The following ARHGEF11 variants were observed in gnomAD, a reference collection of about 807,000 sequenced individuals.
ARHGEF11 encodes Rho guanine exchange factor (GEF) 11.
In ARHGEF11, 55 loss-of-function variants were observed where a neutral mutation model predicts 193.7. That is an observed-to-expected ratio of 0.28 (90% CI 0.23 to 0.36). The LOEUF is 0.36. Ranked by LOEUF, ARHGEF11 falls within the 10% of genes least tolerant of loss-of-function variation. The pLI, the probability that ARHGEF11 is intolerant of heterozygous loss-of-function variation, is 1.00. For missense variants in ARHGEF11, 1,723 were observed against 2,005.6 expected, an observed-to-expected ratio of 0.86 and a Z score of 2.69; for synonymous variants, 693 against 768.0, an observed-to-expected ratio of 0.90 and a Z score of 1.62.
At chr1:157,000,679 G>A (rs1197150632) in intron 1 of ARHGEF11, among the ~76,000 whole-genome samples, 1 of 152,222 alleles carries the variant, frequency 6.6e-6, no homozygotes, top group African/African-American at 2.4e-5. Flanking sequence ...AAACCACTGA[G>A]GTTAAACCAT....
chr1:157,035,362 C>A (rs1750802), intron 1 of ARHGEF11, among the ~76,000 whole-genome samples: 44,011 of 151,666 alleles, frequency 0.29, 7,158 homozygotes, highest in Middle Eastern at 0.48. Flanking sequence ...GCCCTAACAA[C>A]ACTCACCGTA....
At chr1:157,006,797 C>G (rs1243756019) in intron 1 of ARHGEF11, among the ~76,000 whole-genome samples, 1 of 152,178 alleles carries the variant, frequency 6.6e-6, no homozygotes, top group Non-Finnish European at 1.5e-5. Context: ...GTGATGCCAC[C>G]CCCATAATAC....
Position 156,948,377 on chromosome 1 carries a change from C to T in ARHGEF11, c.2047G>A (p.Ala683Thr). 3 of 1,614,234 alleles carry T rather than the reference C, an allele frequency of 1.9e-6. No homozygotes were observed. The highest frequency in any genetic ancestry group is 2.5e-6 in the Non-Finnish European group (3 of 1,180,048). ...SRSDVDMDAA[A>T]EATRLHQSAS... ...GACTGGTGCAGGCGAGTAGCCTCCG[C>T]AGCAGCATCCATGTCAACATCACTG... Residue 683 changes from alanine (A) to threonine (T), a missense_variant, in exon 23 of 41, where the codon GCG (alanine) becomes ACG (threonine). Coordinates refer to ENST00000368194, the MANE Select transcript of ARHGEF11 (RefSeq NM_198236.3). This position sits in a 1 kb window ranked among gnomAD's most constrained non-coding sequence, Gnocchi z 4.2.
chr1:156,976,819 T>G (rs748713784), intron 7 of ARHGEF11, among the ~76,000 whole-genome samples, 164 bp downstream of exon 7: 1 of 152,260 alleles, frequency 6.6e-6, no homozygotes, highest in African/African-American at 2.4e-5. Flanking sequence ...TAACAAATTC[T>G]ACTGGCCAAT....
intron 1 of ARHGEF11, among the ~76,000 whole-genome samples, chr1:157,010,445 A>G (rs1046049269): frequency 6.6e-6 from 1 of 152,162 alleles, no homozygotes; most frequent in African/African-American, 2.4e-5. Context: ...TTTAAGAGAC[A>G]GGGTCTTGCT....
In ARHGEF11 at chr1:156,963,290, G is replaced by GA; in HGVS notation, c.1052dup (p.Gln352ProfsTer70). 1 of 1,614,076 alleles carries GA rather than the reference G, an allele frequency of 6.2e-7. No individual in the cohort carries two copies. The highest frequency in any genetic ancestry group is 8.5e-7 in the Non-Finnish European group (1 of 1,179,994). ...GAGACTTCAGTTTCTCCAGATCCTG[G>GA]AATATGATGTCGCTCTGGAAGGCAG... On this transcript the variant is annotated frameshift_variant, in exon 13 of 41. Coordinates refer to ENST00000368194, the MANE Select transcript of ARHGEF11 (RefSeq NM_198236.3). LOFTEE classifies it high-confidence loss of function.
intron 35 of ARHGEF11, 102 bp downstream of exon 35, chr1:156,941,270 C>T (rs1656830294): frequency 9.3e-6 from 10 of 1,069,568 alleles, no homozygotes; most frequent in Admixed American, 3.5e-5. Context: ...CCTCACACCC[C>T]GGGCCCTGAT....
At chr1:156,940,074 G>A (rs2101810646) in intron 36 of ARHGEF11, 133 bp downstream of exon 36, 1 of 1,397,328 alleles carries the variant, frequency 7.2e-7, no homozygotes. Context: ...AATGACATCT[G>A]TCTCCGCATC....
rs545348963 is a variant in ARHGEF11 at position 156,980,030 on chromosome 1, C to T, written c.273+407G>A. On this transcript the variant is annotated intron_variant, in intron 4 of 40. Coordinates refer to ENST00000368194, the MANE Select transcript of ARHGEF11 (RefSeq NM_198236.3). ...CCATTCTGTCGAAGAAAGGTCTGAACGACCAGGGCAGGTTATAGTAGTTCA... is the reference window on the plus strand; with the variant it reads ...CCATTCTGTCGAAGAAAGGTCTGAATGACCAGGGCAGGTTATAGTAGTTCA... Among the ~76,000 whole-genome samples the T allele has an allele frequency of 2.6e-5, 4 of 152,254 alleles. No individual in the cohort carries two copies. In the South Asian group the frequency reaches 8.3e-4, roughly 32 times the overall value.
At chr1:157,022,278 T>C (rs1474378452) in intron 1 of ARHGEF11, among the ~76,000 whole-genome samples, 1 of 151,978 alleles carries the variant, frequency 6.6e-6, no homozygotes, top group Non-Finnish European at 1.5e-5. Context: ...ATAGAGAAAA[T>C]ATAGGGAATC....
At chr1:157,008,839 G>A (rs998672899) in intron 1 of ARHGEF11, among the ~76,000 whole-genome samples, 1 of 152,224 alleles carries the variant, frequency 6.6e-6, no homozygotes, top group African/African-American at 2.4e-5. Flanking sequence ...CTTACTCTAA[G>A]CTGGGAGCCA....
In ARHGEF11 at chr1:156,948,775, A is replaced by T; in HGVS notation, c.1926-277T>A. 1 of 1,392,212 alleles carries T rather than the reference A, an allele frequency of 7.2e-7. No homozygotes were observed. Among genetic ancestry groups the T allele is most frequent in the Non-Finnish European group, 9.4e-7 (1 of 1,065,802 alleles). The allele number at this position is 1,392,212 out of a possible 1,614,324, so 86.2% of individuals were successfully genotyped here. A position where few individuals can be genotyped will look rare whatever the true frequency, so the allele number is the denominator to read the frequency against. ...AGGAAGGGATCCTAACAGGAAGATG[A>T]AATCTGGGGCTAACAGACTCTGAGT... On this transcript the variant is annotated intron_variant, in intron 22 of 40. Transcript: ENST00000368194. The surrounding 1 kb of genome is among the most constrained non-coding windows in gnomAD (Gnocchi z 4.2).
At chr1:157,013,500 T>G (rs1205779837) in intron 1 of ARHGEF11, among the ~76,000 whole-genome samples, 1 of 152,116 alleles carries the variant, frequency 6.6e-6, no homozygotes, top group Non-Finnish European at 1.5e-5. Context: ...TCCCCCAGCA[T>G]GGCTGCTCAC....
At chr1:156,995,696 C>T (rs1390370968) in intron 1 of ARHGEF11, among the ~76,000 whole-genome samples, 2 of 149,158 alleles carry the variant, frequency 1.3e-5, no homozygotes, top group Non-Finnish European at 3.0e-5. Flanking sequence ...TGAGTAGCTG[C>T]CCAGCTTGTT....
At chr1:156,943,794 T>C in intron 32 of ARHGEF11, 141 bp downstream of exon 32, 5 of 1,080,556 alleles carry the variant, frequency 4.6e-6, no homozygotes, top group Non-Finnish European at 6.4e-6. Flanking sequence ...TCCTACCACT[T>C]AGGCTGGGTC....
chr1:156,961,514 G>T (rs542937458), intron 14 of ARHGEF11, among the ~76,000 whole-genome samples, 163 bp downstream of exon 14: 1 of 152,290 alleles, frequency 6.6e-6, no homozygotes, highest in South Asian at 2.1e-4. Context: ...GAGATTTTTT[G>T]AGAGTGGCGC....
chr1:156,936,497 A>AAATATAT lies in ARHGEF11; in HGVS notation c.4630+318_4630+319insATATATT, dbSNP rs370282821. ...AATAAATAGAAAAAAAAAAAAAAAA[A>AAATATAT]ATATATATATATATATATATATATA... is the stretch of plus-strand genomic sequence containing the variant. On this transcript the variant is annotated intron_variant, in intron 40 of 40. Transcript: ENST00000368194. Among the ~76,000 whole-genome samples, 71 of 33,926 alleles carry AAATATAT rather than the reference A, an allele frequency of 2.1e-3. 1 individual carries two copies. Among genetic ancestry groups the AAATATAT allele is most frequent in the South Asian group, 3.3e-3 (2 of 608 alleles). 22.3% of individuals were successfully genotyped at this position (33,926 alleles called of 152,430 possible).
intron 1 of ARHGEF11, among the ~76,000 whole-genome samples, chr1:157,028,435 G>C (rs1670914156): frequency 6.6e-6 from 1 of 152,274 alleles, no homozygotes; most frequent in East Asian, 1.9e-4. Context: ...GCGTAGAAAG[G>C]TTAAGTAACA....
In ARHGEF11 at chr1:156,956,390, C is replaced by T. The variant is rs769673172; in HGVS notation, c.1671+30G>A. The T allele has an allele frequency of 7.4e-6, 12 of 1,612,224 alleles. No homozygotes were observed. The Admixed American group carries it at 1.7e-4, about 22-fold the overall frequency. Reference sequence around the variant, plus strand: ...TTGGCATTCCAAAGTACTAGGATTACAGGCATGAGCCACCATGCCCGGCCC... The same window carrying T: ...TTGGCATTCCAAAGTACTAGGATTATAGGCATGAGCCACCATGCCCGGCCC... On this transcript the variant is annotated intron_variant, in intron 19 of 40. Transcript: ENST00000368194.
Sources: allele counts gnomAD v4.1 joint callset (sites outside exome capture counted in the v4.1 genomes callset), GRCh38; gene constraint gnomAD v4.1.1; non-coding constraint Gnocchi (gnomAD v3.1); transcripts MANE v1.5; gene names NCBI Gene and HGNC (gene_info 2026-07-23, HGNC 2026-07-21).